ORC5: variants seen among roughly 807,000 people sequenced by gnomAD.
The protein encoded by ORC5 is origin recognition complex subunit 5, also known as protein phosphatase 1, regulatory subunit 117.
A neutral mutation model predicts 58.8 loss-of-function variants in ORC5; 39 were observed. The observed-to-expected ratio is 0.66, with a 90% CI of 0.51 to 0.87. The LOEUF (loss-of-function observed/expected upper bound fraction) is 0.87, where lower values mean the gene tolerates loss of function less well. Among genes scored for constraint, ORC5 ranks in the 40% least tolerant of loss-of-function variants. The pLI is 0.00. For synonymous variants in ORC5, 218 were observed against 177.6 expected, an observed-to-expected ratio of 1.23 and a Z score of -1.81; for missense variants, 493 against 506.3, an observed-to-expected ratio of 0.97 and a Z score of 0.25.
Position 104,136,987 on chromosome 7 carries a change from C to G in ORC5, c.1150-94G>C. 1 of 811,046 alleles carries G rather than the reference C, an allele frequency of 1.2e-6. No homozygotes were observed. The allele number at this position is 811,046 out of a possible 1,614,324, so 50.2% of individuals were successfully genotyped here. ...CTTATAGTCTGATAAAGATACATAA[C>G]TGAATCACAAAAAACGTCTGCAAAG... On this transcript the variant is annotated intron_variant, in intron 12 of 13. Transcript: ENST00000297431. This position sits in a 1 kb window ranked among gnomAD's most constrained non-coding sequence, Gnocchi z 4.2.
intron 8 of ORC5, among the ~76,000 whole-genome samples, chr7:104,172,997 AG>A (rs1380214565): frequency 6.7e-6 from 1 of 149,380 alleles, no homozygotes; most frequent in Non-Finnish European, 1.5e-5. Flanking sequence ...AAAAAAAAAA[AG>A]GCTTTGTTAC....
At chr7:104,151,608 G>A (rs1371787263) in intron 12 of ORC5, among the ~76,000 whole-genome samples, 3 of 152,186 alleles carry the variant, frequency 2.0e-5, no homozygotes, top group Non-Finnish European at 4.4e-5. Flanking sequence ...TGAAATCTAG[G>A]TAAGGCTGAA....
At chr7:104,194,115 T>A (rs79899547) in intron 5 of ORC5, among the ~76,000 whole-genome samples, 111 of 150,156 alleles carry the variant, frequency 7.4e-4, no homozygotes, top group African/African-American at 2.5e-3. Context: ...TTTTTTTTTT[T>A]AAATAAAATC....
intron 8 of ORC5, among the ~76,000 whole-genome samples, chr7:104,173,291 A>T (rs1488801658): frequency 6.6e-6 from 1 of 152,156 alleles, no homozygotes; most frequent in African/African-American, 2.4e-5. Context: ...AATTCTCCTC[A>T]TTCTTCCTTT....
intron 5 of ORC5, among the ~76,000 whole-genome samples, chr7:104,190,968 A>G (rs1799661501): frequency 6.6e-6 from 1 of 151,936 alleles, no homozygotes; most frequent in African/African-American, 2.4e-5. Flanking sequence ...ATTTATAAAC[A>G]GAAGTTTAGA....
intron 8 of ORC5, among the ~76,000 whole-genome samples, chr7:104,173,069 G>A (rs1388717292): frequency 2.0e-5 from 3 of 151,016 alleles, no homozygotes; most frequent in Admixed American, 6.6e-5. Context: ...AGCCAGGGAG[G>A]GCCACGAAGA....
intron 12 of ORC5, among the ~76,000 whole-genome samples, chr7:104,156,441 A>G (rs1798926565): frequency 6.6e-6 from 1 of 151,734 alleles, no homozygotes; most frequent in Admixed American, 6.6e-5. Context: ...GTACTATTAT[A>G]AATTTATTAT....
chr7:104,128,895 AT>A (rs923532774), intron 13 of ORC5, among the ~76,000 whole-genome samples: 64 of 146,398 alleles, frequency 4.4e-4, no homozygotes, highest in Admixed American at 8.9e-4. Flanking sequence ...TGTGTTGCTA[AT>A]TTTTTTTTTT....
At chr7:104,189,389 G>A (rs1310566417) in intron 5 of ORC5, among the ~76,000 whole-genome samples, 1 of 151,998 alleles carries the variant, frequency 6.6e-6, no homozygotes, top group Non-Finnish European at 1.5e-5. Flanking sequence ...ACAGCATGGG[G>A]GAATCGCACC....
intron 8 of ORC5, among the ~76,000 whole-genome samples, chr7:104,182,386 A>C (rs1396198998): frequency 6.6e-6 from 1 of 152,172 alleles, no homozygotes; most frequent in Non-Finnish European, 1.5e-5. Context: ...TTTTCACTTG[A>C]TAGGATAATG....
chr7:104,182,449 T>TG (rs1799454026), intron 8 of ORC5, among the ~76,000 whole-genome samples: 1 of 152,160 alleles, frequency 6.6e-6, no homozygotes, highest in Non-Finnish European at 1.5e-5. Flanking sequence ...TGACAGAACC[T>TG]GACCTAAAAG....
intron 12 of ORC5, among the ~76,000 whole-genome samples, chr7:104,143,769 A>G (rs372703168): frequency 6.6e-6 from 1 of 152,218 alleles, no homozygotes; most frequent in Non-Finnish European, 1.5e-5. Context: ...ATTCATATAT[A>G]TAAATTGTAC....
intron 12 of ORC5, among the ~76,000 whole-genome samples, chr7:104,144,440 G>C (rs1255562270): frequency 6.6e-6 from 1 of 152,034 alleles, no homozygotes; most frequent in Non-Finnish European, 1.5e-5. Context: ...AAACTCTTGA[G>C]GACTTACTCT....
At chr7:104,157,565 T>C (rs1322840307) in intron 12 of ORC5, among the ~76,000 whole-genome samples, 2 of 152,104 alleles carry the variant, frequency 1.3e-5, no homozygotes, top group Non-Finnish European at 2.9e-5. Flanking sequence ...CTTAACTGTG[T>C]AATATTACTG....
At chr7:104,195,285 G>T (rs770071732) in intron 4 of ORC5, 31 bp from the exon 5 acceptor site, 1 of 1,249,226 alleles carries the variant, frequency 8.0e-7, no homozygotes, top group Non-Finnish European at 1.1e-6. Flanking sequence ...AAGTAACTTC[G>T]CATTTAAAAA....
At position 104,175,126 on chromosome 7, in the gene ORC5, C is replaced by T. The variant is rs138674917; in HGVS notation, c.825-6601G>A. Among the ~76,000 whole-genome samples, 273 of 152,296 alleles carry T rather than the reference C, an allele frequency of 1.8e-3. 1 individual carries two copies. The highest frequency in any genetic ancestry group is 6.1e-3 in the African/African-American group (252 of 41,558). ...TAAAACTTGCCTGTCTCTCCTTCTG[C>T]CTTGTGCTTCCTTGGTAGAATTCTT... On this transcript the variant is annotated intron_variant, in intron 8 of 13. Coordinates refer to ENST00000297431, the MANE Select transcript of ORC5 (RefSeq NM_002553.4).
intron 13 of ORC5, among the ~76,000 whole-genome samples, chr7:104,128,445 G>A (rs1347357900): frequency 6.6e-6 from 1 of 152,090 alleles, no homozygotes; most frequent in Non-Finnish European, 1.5e-5. Flanking sequence ...TTAAAAAATC[G>A]TGATACTGAT....
At chr7:104,164,319 G>A (rs1012159998) in intron 11 of ORC5, among the ~76,000 whole-genome samples, 16 of 152,160 alleles carry the variant, frequency 1.1e-4, no homozygotes, top group Non-Finnish European at 7.4e-5. Context: ...AGCTACTAGG[G>A]AGGCTGAGAC....
chr7:104,192,289 G>C (rs1400172273), intron 5 of ORC5, among the ~76,000 whole-genome samples: 5 of 152,018 alleles, frequency 3.3e-5, no homozygotes, highest in Admixed American at 1.3e-4. Context: ...GTATGCATAG[G>C]GTAAAACCCT....
Sources: gnomAD v4.1 joint callset for allele counts (sites outside exome capture counted in the v4.1 genomes callset) on GRCh38, gnomAD v4.1.1 for gene constraint, Gnocchi (gnomAD v3.1) non-coding constraint, MANE v1.5 for transcripts, NCBI Gene and HGNC (gene_info 2026-07-23, HGNC 2026-07-21) for gene names.